The following DACH2 variants were observed in gnomAD, a reference collection of about 807,000 sequenced individuals.
The protein encoded by DACH2 is dachshund family transcription factor 2, also known as dachshund homolog 2.
DACH2 carries 17 observed loss-of-function variants against 35.8 expected under a neutral mutation model. The observed-to-expected ratio is 0.48, with a 90% CI of 0.33 to 0.71. The LOEUF (loss-of-function observed/expected upper bound fraction) is 0.71. DACH2 is among the 30% of genes least tolerant of loss of function. DACH2 has a pLI of 0.02. For synonymous variants in DACH2, 195 were observed against 177.3 expected (o/e 1.10, Z -0.79); for missense variants, 469 against 472.7 (o/e 0.99, Z 0.07).
intron 1 of DACH2, among the ~76,000 whole-genome samples, chrX:86,311,732 T>C (rs1602391093): frequency 9.0e-6 from 1 of 111,289 alleles, no homozygotes; most frequent in East Asian, 2.8e-4. Context: ...GAACTGAAAG[T>C]TAAGTTCGGC....
intron 3 of DACH2, among the ~76,000 whole-genome samples, chrX:86,592,680 G>C (rs1262286370): frequency 3.6e-5 from 4 of 111,656 alleles, no homozygotes; most frequent in South Asian, 7.4e-4. Context: ...TATTTATTTA[G>C]GTCTACATGG....
intron 1 of DACH2, among the ~76,000 whole-genome samples, chrX:86,374,039 C>T (rs989957548): frequency 9.0e-6 from 1 of 111,007 alleles, no homozygotes; most frequent in African/African-American, 3.3e-5. Context: ...GACATTTTAA[C>T]TGGACTCCTT....
intron 1 of DACH2, among the ~76,000 whole-genome samples, chrX:86,264,395 G>A (rs2033676666): frequency 8.9e-6 from 1 of 111,768 alleles, no homozygotes; most frequent in Admixed American, 9.5e-5. Flanking sequence ...TACACTTATT[G>A]TGCGAAAGTT....
intron 1 of DACH2, among the ~76,000 whole-genome samples, chrX:86,332,033 A>C (rs2035223006): frequency 8.9e-6 from 1 of 111,868 alleles, no homozygotes; most frequent in South Asian, 3.7e-4. Flanking sequence ...CTGAAAATTA[A>C]GCTAAGCAAA....
intron 2 of DACH2, among the ~76,000 whole-genome samples, chrX:86,513,861 C>T (rs933076728): frequency 8.9e-6 from 1 of 112,125 alleles, no homozygotes; most frequent in Non-Finnish European, 1.9e-5. Context: ...CTATTCACCT[C>T]TGGCATGCTG....
intron 7 of DACH2, among the ~76,000 whole-genome samples, chrX:86,761,323 C>T (rs1205731558): frequency 1.8e-5 from 2 of 111,469 alleles, no homozygotes; most frequent in Non-Finnish European, 3.8e-5. Context: ...GGTTAGTTTG[C>T]TGAGGACGAT....
At chrX:86,155,757 G>A (rs923337376) in intron 1 of DACH2, among the ~76,000 whole-genome samples, 1 of 110,912 alleles carries the variant, frequency 9.0e-6, no homozygotes, top group Non-Finnish European at 1.9e-5. Context: ...CTCTTTGAAA[G>A]CCTACACAGT....
intron 2 of DACH2, among the ~76,000 whole-genome samples, chrX:86,467,852 G>C (rs1379341918): frequency 9.0e-6 from 1 of 111,683 alleles, no homozygotes; most frequent in African/African-American, 3.3e-5. Flanking sequence ...AGCGGGGAAA[G>C]CTTCTTGTAA....
chrX:86,455,020 C>A lies in DACH2; in HGVS notation c.528-59259C>A, dbSNP rs773463965. ...TTTGTTTTTCTTTTAGCAGTCAGAC[C>A]ACTCTTCTGTAGGGCTGCTGTGGTT... On this transcript the variant is annotated intron_variant, in intron 2 of 11. Transcript: ENST00000373125. Among the ~76,000 whole-genome samples, 13 of 110,834 alleles carry A rather than the reference C, an allele frequency of 1.2e-4. No individual in the cohort carries two copies. In the East Asian group the frequency reaches 3.7e-3, roughly 32 times the overall value.
At chrX:86,470,749 A>G (rs905805564) in intron 2 of DACH2, among the ~76,000 whole-genome samples, 1 of 111,227 alleles carries the variant, frequency 9.0e-6, no homozygotes, top group Non-Finnish European at 1.9e-5. Flanking sequence ...CAATGTATTC[A>G]TGTATCAAAA....
rs1039581549 is a variant in DACH2, at chrX:86,339,829, C to T, written c.489-36995C>T. Among the ~76,000 whole-genome samples, 8 of 111,844 alleles carry T rather than the reference C, an allele frequency of 7.2e-5. 1 individual carries two copies. The highest frequency in any genetic ancestry group is 1.5e-4 in the Non-Finnish European group (8 of 53,165). Reference sequence around the variant, plus strand: ...TCAAAATGCTAATATGATGCATATCCACTATAAATTCAACCCTTCATGAGG... The same window carrying T: ...TCAAAATGCTAATATGATGCATATCTACTATAAATTCAACCCTTCATGAGG... On this transcript the variant is annotated intron_variant, in intron 1 of 11. Coordinates refer to ENST00000373125, the MANE Select transcript of DACH2 (RefSeq NM_053281.3).
rs190998210 is a variant in DACH2, at chrX:86,832,178, A to C, written c.*23A>C. 1 of 1,136,006 alleles carries C rather than the reference A, an allele frequency of 8.8e-7. No homozygotes were observed. The highest frequency in any genetic ancestry group is 2.3e-5 in the Admixed American group (1 of 44,356). The allele number at this position is 1,136,006 out of a possible 1,213,427, so 93.6% of individuals were successfully genotyped here. The stretch of plus-strand genomic sequence containing the variant: ...TGAAAGGTCCTCGCTGGCTTTACAT[A>C]AATGAAGATGCTTGTGATTCCAGTT... On this transcript the variant is annotated 3_prime_UTR_variant, in exon 12 of 12. Transcript: ENST00000373125.
At chrX:86,233,358 GAAAGA>G (rs1569310746) in intron 1 of DACH2, among the ~76,000 whole-genome samples, 1 of 111,884 alleles carries the variant, frequency 8.9e-6, no homozygotes, top group East Asian at 2.8e-4. Flanking sequence ...AAAAAAGAAA[GAAAGA>G]AAAGATACCA....
chrX:86,574,830 G>A (rs976435027), intron 3 of DACH2, among the ~76,000 whole-genome samples: 2 of 111,040 alleles, frequency 1.8e-5, no homozygotes, highest in Non-Finnish European at 3.8e-5. Flanking sequence ...TTTCTTATCA[G>A]GAATACATCA....
intron 1 of DACH2, among the ~76,000 whole-genome samples, chrX:86,222,127 C>T (rs1056705832): frequency 1.8e-5 from 2 of 112,228 alleles, no homozygotes; most frequent in Non-Finnish European, 3.8e-5. Flanking sequence ...TTTTGGGAAA[C>T]ACGATTTAGT....
intron 1 of DACH2, among the ~76,000 whole-genome samples, chrX:86,154,330 G>C (rs1450952233): frequency 9.0e-6 from 1 of 111,216 alleles, no homozygotes; most frequent in Non-Finnish European, 1.9e-5. Flanking sequence ...AAAATATTAT[G>C]TTTTTGTGAA....
intron 1 of DACH2, chrX:86,184,337 AGCTGGAATTACAGGTACAT>A: frequency 6.9e-6 from 1 of 144,180 alleles, no homozygotes; most frequent in Non-Finnish European, 1.4e-5. Flanking sequence ...CCTCCCGAGT[AGCTGGAATTACAGGTACAT>A]GCCACCATGC....
intron 3 of DACH2, among the ~76,000 whole-genome samples, chrX:86,600,781 T>C (rs2039779570): frequency 1.8e-5 from 2 of 111,688 alleles, no homozygotes; most frequent in African/African-American, 3.3e-5. Context: ...GTTCTTTGGG[T>C]GTCCTCTTTT....
intron 2 of DACH2, among the ~76,000 whole-genome samples, chrX:86,424,013 T>C (rs2036849789): frequency 9.0e-6 from 1 of 111,314 alleles, no homozygotes; most frequent in Non-Finnish European, 1.9e-5. Context: ...GATTTGTTTC[T>C]GGGTTCTCAG....
Sources: allele counts gnomAD v4.1 joint callset (sites outside exome capture counted in the v4.1 genomes callset), GRCh38; gene constraint gnomAD v4.1.1; transcripts MANE v1.5; gene names NCBI Gene and HGNC (gene_info 2026-07-23, HGNC 2026-07-21).